GAB2: variants seen among roughly 807,000 people sequenced by gnomAD.
GAB2 encodes the protein GRB2 associated binding protein 2.
In GAB2, 26 loss-of-function variants were observed where a neutral mutation model predicts 65.5. The ratio of observed to expected loss-of-function variants is 0.40; its 90% CI spans 0.29 to 0.55. The LOEUF is 0.55. Ranked by LOEUF, GAB2 falls within the 20% of genes least tolerant of loss-of-function variation. GAB2 has a pLI of 0.53. For missense variants in GAB2, 884 were observed against 875.8 expected (o/e 1.01, Z -0.12); for synonymous variants, 321 against 329.6 (o/e 0.97, Z 0.28).
At chr11:78,316,061 C>T (rs925055881) in intron 1 of GAB2, among the ~76,000 whole-genome samples, 2 of 152,186 alleles carry the variant, frequency 1.3e-5, no homozygotes, top group African/African-American at 4.8e-5. Flanking sequence ...ATATTGGATG[C>T]TTCCTCCCGC....
At chr11:78,392,121 C>T (rs185897912) in intron 1 of GAB2, 1 of 152,014 alleles carries the variant, frequency 6.6e-6, no homozygotes, top group African/African-American at 2.4e-5. Flanking sequence ...ACCTGTAATC[C>T]CAGCTACTCA....
At chr11:78,222,284 A>G (rs1157759182) in intron 6 of GAB2, 89 bp from the exon 7 acceptor site, 3 of 805,124 alleles carry the variant, frequency 3.7e-6, no homozygotes, top group Non-Finnish European at 6.5e-6. Context: ...GCATGTTTAT[A>G]AAGGCCTGCA....
chr11:78,221,427 G>C (rs1055307551), intron 8 of GAB2, among the ~76,000 whole-genome samples: 5 of 152,184 alleles, frequency 3.3e-5, no homozygotes, highest in Non-Finnish European at 7.3e-5. Context: ...ACTGTCATGA[G>C]AGGCAGGCCC....
intron 2 of GAB2, among the ~76,000 whole-genome samples, chr11:78,263,085 G>C (rs757683726): frequency 6.6e-6 from 1 of 152,132 alleles, no homozygotes; most frequent in African/African-American, 2.4e-5. Flanking sequence ...TTCTCACTCT[G>C]GTTTGCATAA....
chr11:78,288,069 G>T (rs2134599338), intron 1 of GAB2, among the ~76,000 whole-genome samples: 1 of 152,026 alleles, frequency 6.6e-6, no homozygotes, highest in South Asian at 2.1e-4. Context: ...TGTTTGCAGA[G>T]GACATGATTA....
rs2134468961 is a variant in GAB2, at chr11:78,226,719, G to A, written c.953C>T (p.Ala318Val). 6.2e-7 allele frequency: 1 copy of A among 1,613,870 alleles called. No homozygotes were observed. The highest frequency in any genetic ancestry group is 8.5e-7 in the Non-Finnish European group (1 of 1,179,846). ...GATCTGGTAGGCTGAGAGTGGGGTGGCCGGAACATCCATATTGTCTACCAG... is the reference window on the plus strand; with the variant it reads ...GATCTGGTAGGCTGAGAGTGGGGTGACCGGAACATCCATATTGTCTACCAG... The part of the protein sequence containing the change: ...DLLVDNMDVP[A>V]TPLSAYQIPR... The change falls in exon 4 of 10, where the codon GCC becomes GTC. Residue 318 changes from alanine to valine, a missense_variant. By Grantham distance (64) the Ala-to-Val change is moderately conservative (BLOSUM62 0). Transcript: ENST00000361507.
intron 1 of GAB2, among the ~76,000 whole-genome samples, chr11:78,293,565 T>A (rs969489405): frequency 4.6e-5 from 7 of 152,162 alleles, no homozygotes; most frequent in Non-Finnish European, 1.0e-4. Flanking sequence ...TAAAGCTGAC[T>A]CCAACTATAG....
In GAB2 at chr11:78,318,718, G is replaced by A. The variant is rs555877482; in HGVS notation, c.76-37817C>T. Among the ~76,000 whole-genome samples the A allele has an allele frequency of 2.6e-3, 402 of 152,254 alleles. 3 individuals carry two copies. The highest frequency in any genetic ancestry group is 0.018 in the South Asian group (89 of 4,824). On this transcript the variant is annotated intron_variant, in intron 1 of 9. Transcript: ENST00000361507. ...TTCTTATTTCTAAACGGTTTCTGACGAATTCTGAATGTCCCCAGGTCCAGG... is the reference window on the plus strand; with the variant it reads ...TTCTTATTTCTAAACGGTTTCTGACAAATTCTGAATGTCCCCAGGTCCAGG...
chr11:78,248,038 G>C (rs1488074098), intron 3 of GAB2, among the ~76,000 whole-genome samples: 2 of 152,070 alleles, frequency 1.3e-5, no homozygotes, highest in African/African-American at 4.8e-5. Context: ...CTACAACATG[G>C]ATTTGTTCAA....
intron 1 of GAB2, among the ~76,000 whole-genome samples, chr11:78,389,630 T>C (rs983304761): frequency 6.6e-6 from 1 of 152,200 alleles, no homozygotes; most frequent in Non-Finnish European, 1.5e-5. Context: ...CAGGTAAGAA[T>C]GTTCTGAAAA....
intron 1 of GAB2, among the ~76,000 whole-genome samples, chr11:78,335,728 T>C (rs898047287): frequency 2.0e-5 from 3 of 152,188 alleles, no homozygotes; most frequent in African/African-American, 7.2e-5. Context: ...TTCTGGGTCT[T>C]TTGTGATTCC....
chr11:78,252,864 C>A (rs1415494347), intron 2 of GAB2, among the ~76,000 whole-genome samples: 2 of 152,088 alleles, frequency 1.3e-5, no homozygotes, highest in Non-Finnish European at 2.9e-5. Context: ...TCCATCATCA[C>A]CAGCCAATAA....
At chr11:78,369,405 C>T (rs896154922) in intron 1 of GAB2, among the ~76,000 whole-genome samples, 1 of 152,206 alleles carries the variant, frequency 6.6e-6, no homozygotes, top group Non-Finnish European at 1.5e-5. Context: ...AATGGAATAG[C>T]TCAAATATAC....
rs144822163 is a variant in GAB2, at chr11:78,226,578, C to T, written c.1094G>A (p.Arg365Gln). The change falls in exon 4 of 10, where the codon CGA becomes CAA. Residue 365 changes from arginine (R) to glutamine (Q), a missense_variant. Arg to Gln is a conservative substitution (Grantham distance 43). Transcript: ENST00000361507. The stretch of plus-strand genomic sequence containing the variant: ...CGGTCTCTGCTGAGGACTGCCCCAT[C>T]GAGGTGTTTCTGCCTGACTTGGCTT... ...PPKPSQAETPRWGSPQQRPPI... is the reference protein window; with the variant it reads ...PPKPSQAETPQWGSPQQRPPI... 15 of 1,126,990 alleles carry T rather than the reference C, an allele frequency of 1.3e-5. No homozygotes were observed. Among genetic ancestry groups the T allele is most frequent in the Middle Eastern group, 2.4e-4 (1 of 4,224 alleles). The allele number at this position is 1,126,990 out of a possible 1,614,324, so 69.8% of individuals were successfully genotyped here.
intron 2 of GAB2, among the ~76,000 whole-genome samples, chr11:78,252,231 C>A (rs2134526975): frequency 6.6e-6 from 1 of 152,324 alleles, no homozygotes; most frequent in East Asian, 1.9e-4. Context: ...GGGCAGGACA[C>A]CTGCCAGTGT....
At chr11:78,221,878 A>C in intron 7 of GAB2, 99 bp from the exon 8 acceptor site, 2 of 758,174 alleles carry the variant, frequency 2.6e-6, no homozygotes, top group Middle Eastern at 6.4e-4. Context: ...CCCAGACCTC[A>C]GCCATTAGAG....
At chr11:78,342,404 CTTTTTTTT>C (rs143105179) in intron 1 of GAB2, among the ~76,000 whole-genome samples, 17 of 109,874 alleles carry the variant, frequency 1.5e-4, no homozygotes, top group Admixed American at 1.2e-3. Context: ...ACACTTTGCA[CTTTTTTTT>C]TTTTTTTTTT....
At chr11:78,222,025 G>T (rs1198985808) in intron 7 of GAB2, 80 bp downstream of exon 7, 5 of 922,070 alleles carry the variant, frequency 5.4e-6, no homozygotes, top group Non-Finnish European at 9.1e-6. Context: ...AGCTGTCCCG[G>T]CCCACAGGCC....
chr11:78,345,516 AAC>A (rs1211190834), intron 1 of GAB2, among the ~76,000 whole-genome samples: 1 of 152,192 alleles, frequency 6.6e-6, no homozygotes, highest in African/African-American at 2.4e-5. Context: ...CCTGTTCCTC[AAC>A]ACACACATTT....
Sources: allele counts gnomAD v4.1 joint callset (sites outside exome capture counted in the v4.1 genomes callset), GRCh38; gene constraint gnomAD v4.1.1; transcripts MANE v1.5; gene names NCBI Gene and HGNC (gene_info 2026-07-23, HGNC 2026-07-21).